Variants in CDKN2B observed in about 807,000 individuals in gnomAD.
CDKN2B encodes the protein cyclin dependent kinase inhibitor 2B.
A neutral mutation model predicts 7.7 loss-of-function variants in CDKN2B; 8 were observed. The ratio of observed to expected loss-of-function variants is 1.04; its 90% CI spans 0.61 to 1.87. The LOEUF (loss-of-function observed/expected upper bound fraction) is 1.87. Among genes scored for constraint, CDKN2B ranks in the 40% most tolerant of loss-of-function variants. The pLI is 0.00. For synonymous variants in CDKN2B, 93 were observed against 95.8 expected, an observed-to-expected ratio of 0.97 and a Z score of 0.17; for missense variants, 244 against 213.1, an observed-to-expected ratio of 1.15 and a Z score of -0.90.
At position 22,006,094 on chromosome 9, in the gene CDKN2B, C is replaced by T. The variant is rs1419378636; in HGVS notation, c.310G>A (p.Ala104Thr). The change falls in exon 2 of 2, where the codon GCG (alanine) becomes ACG (threonine). Residue 104 changes from alanine to threonine, a missense_variant. Ala to Thr is a moderately conservative substitution (Grantham distance 58). Transcript: ENST00000276925. The surrounding 1 kb of genome is among the most constrained non-coding windows in gnomAD (Gnocchi z 6.4). ...CAGGCATCGCGCACGTCCAGCCGCGCCCCGGCCCGGTGCAGCACCACCAGC... is the reference window on the plus strand; with the variant it reads ...CAGGCATCGCGCACGTCCAGCCGCGTCCCGGCCCGGTGCAGCACCACCAGC... Reference protein sequence around the residue: ...DTLVVLHRAGARLDVRDAWGR... With the variant: ...DTLVVLHRAGTRLDVRDAWGR... The T allele has an allele frequency of 1.9e-6, 3 of 1,608,432 alleles. No homozygotes were observed. In the African/African-American group the frequency reaches 4.0e-5, roughly 21 times the overall value.
rs2131179802 is a variant in CDKN2B at position 22,005,929 on chromosome 9, G to A, written c.*58C>T. On this transcript the variant is annotated 3_prime_UTR_variant, in exon 2 of 2. Transcript: ENST00000276925. The surrounding 1 kb of genome is among the most constrained non-coding windows in gnomAD (Gnocchi z 4.9). ...GCAGCCTTCATCGAATTAGGTGGGT[G>A]GGGGTGGGAAATTGGGTAAGAAAAT... The A allele has an allele frequency of 6.3e-7, 1 of 1,586,094 alleles. No individual in the cohort carries two copies. The highest frequency in any genetic ancestry group is 2.2e-5 in the East Asian group (1 of 44,544).
chr9:22,005,119 T>TGG lies in CDKN2B; in HGVS notation c.*867_*868insCC, dbSNP rs1821101622. On this transcript the variant is annotated 3_prime_UTR_variant, in exon 2 of 2. Transcript: ENST00000276925. This position sits in a 1 kb window ranked among gnomAD's most constrained non-coding sequence, Gnocchi z 4.9. ...GGATTTCCGCATCCTAGCATGTGTGTGTGTGTGTGTGTGTGTGTGTGTGAA... is the reference window on the plus strand; with the variant it reads ...GGATTTCCGCATCCTAGCATGTGTGTGGGTGTGTGTGTGTGTGTGTGTGTGAA... 1 of 229,086 alleles carries TGG rather than the reference T, an allele frequency of 4.4e-6. No homozygotes were observed. The allele number at this position is 229,086 out of a possible 1,614,324, so 14.2% of individuals were successfully genotyped here.
chr9:22,006,815 C>T lies in CDKN2B; in HGVS notation c.157-568G>A, dbSNP rs1821214075. The stretch of plus-strand genomic sequence containing the variant: ...TCCCGTGCGGAAGGCTTTTGTTTGT[C>T]ATGTGTCTGAGCTCATAACTGGCTT... On this transcript the variant is annotated intron_variant, in intron 1 of 1. Transcript: ENST00000276925. This position sits in a 1 kb window ranked among gnomAD's most constrained non-coding sequence, Gnocchi z 6.4. Among the ~76,000 whole-genome samples, 1 of 151,318 alleles carries T rather than the reference C, an allele frequency of 6.6e-6. No individual in the cohort carries two copies. Among genetic ancestry groups the T allele is most frequent in the Non-Finnish European group, 1.5e-5 (1 of 67,872 alleles).
intron 1 of CDKN2B, chr9:22,008,552 G>T (rs1821307540): frequency 3.1e-6 from 3 of 983,064 alleles, no homozygotes; most frequent in Non-Finnish European, 4.4e-6. Context: ...TCTATTCCTT[G>T]CATCTCTGAT....
chr9:22,008,928 G>A lies in CDKN2B; in HGVS notation c.26C>T (p.Pro9Leu). Residue 9 changes from proline to leucine, a missense_variant, in exon 1 of 2, where the codon CCC becomes CTC. Physicochemically the swap from Pro to Leu is moderately conservative, Grantham distance 98. Transcript: ENST00000276925. ...ACCCTCATCGCTGCCGCCCCCACTGGGCATGCCCTTGTTCTCCTCGCGCAT... is the reference window on the plus strand; with the variant it reads ...ACCCTCATCGCTGCCGCCCCCACTGAGCATGCCCTTGTTCTCCTCGCGCAT... MREENKGMPSGGGSDEGLA... is the reference protein window; with the variant it reads MREENKGMLSGGGSDEGLA... 6.2e-7 allele frequency: 1 copy of A among 1,612,950 alleles called. No homozygotes were observed.
Position 22,009,155 on chromosome 9 carries a change from C to G in CDKN2B, c.-202G>C, listed in dbSNP as rs72550842. 1.6e-4 allele frequency: 111 copies of G among 690,200 alleles called. No individual in the cohort carries two copies. In the Middle Eastern group the frequency reaches 2.5e-3, roughly 15 times the overall value. The allele number at this position is 690,200 out of a possible 1,614,324, so 42.8% of individuals were successfully genotyped here. ...CGAGCGGCCGGTCGTTAGCTCCGGG[C>G]TTTTCCTGGCGCTCAAGAACCAGCG... On this transcript the variant is annotated 5_prime_UTR_variant, in exon 1 of 2. Coordinates refer to ENST00000276925, the MANE Select transcript of CDKN2B (RefSeq NM_004936.4).
chr9:22,006,000 G>A lies in CDKN2B; in HGVS notation c.404C>T (p.Ala135Val), dbSNP rs1328728285. 1.2e-6 allele frequency: 2 copies of A among 1,602,796 alleles called. No individual in the cohort carries two copies. The highest frequency in any genetic ancestry group is 1.7e-5 in the Admixed American group (1 of 59,972). Residue 135 changes from alanine to valine, a missense_variant, in exon 2 of 2, where the codon GCC becomes GTC. Transcript: ENST00000276925. The surrounding 1 kb of genome is among the most constrained non-coding windows in gnomAD (Gnocchi z 4.9). Reference protein sequence around the residue: ...HRDVAGYLRTATGD With the variant: ...HRDVAGYLRTVTGD The stretch of plus-strand genomic sequence containing the variant: ...GGGAACCTGGCGTCAGTCCCCCGTG[G>A]CTGTGCGCAGGTACCCTGCAACGTC...
At position 22,005,899 on chromosome 9, in the gene CDKN2B, C is replaced by G. The variant is rs1014622569; in HGVS notation, c.*88G>C. The G allele has an allele frequency of 3.9e-6, 6 of 1,527,968 alleles. No individual in the cohort carries two copies. The highest frequency in any genetic ancestry group is 1.9e-5 in the Admixed American group (1 of 53,544). 94.7% of individuals were successfully genotyped at this position (1,527,968 alleles called of 1,614,324 possible). A position where few individuals can be genotyped will look rare whatever the true frequency, so the allele number is the denominator to read the frequency against. On this transcript the variant is annotated 3_prime_UTR_variant, in exon 2 of 2. Coordinates refer to ENST00000276925, the MANE Select transcript of CDKN2B (RefSeq NM_004936.4). The surrounding 1 kb of genome is among the most constrained non-coding windows in gnomAD (Gnocchi z 4.9). ...GGCTTACAGGCTTTCCGCCGCTCCC[C>G]GTTGGCAGCCTTCATCGAATTAGGT...
At position 22,003,552 on chromosome 9, in the gene CDKN2B, G is replaced by A; in HGVS notation, c.*2435C>T. 1 of 229,096 alleles carries A rather than the reference G, an allele frequency of 4.4e-6. No individual in the cohort carries two copies. Among genetic ancestry groups the A allele is most frequent in the Non-Finnish European group, 8.6e-6 (1 of 115,640 alleles). 14.2% of individuals were successfully genotyped at this position (229,096 alleles called of 1,614,324 possible). On this transcript the variant is annotated 3_prime_UTR_variant, in exon 2 of 2. Transcript: ENST00000276925. Reference sequence around the variant, plus strand: ...TATAAACCAAATGGGAGATTTTAAAGTATCAACTGACTTCTTTTATATAGA... The same window carrying A: ...TATAAACCAAATGGGAGATTTTAAAATATCAACTGACTTCTTTTATATAGA...
Position 22,005,656 on chromosome 9 carries a change from C to G in CDKN2B, c.*331G>C. On this transcript the variant is annotated 3_prime_UTR_variant, in exon 2 of 2. Coordinates refer to ENST00000276925, the MANE Select transcript of CDKN2B (RefSeq NM_004936.4). The surrounding 1 kb of genome is among the most constrained non-coding windows in gnomAD (Gnocchi z 4.9). ...CATCCATCGGAAGATTCGTAGCCAC[C>G]AGGTCCAGTCAAGGATTTCATATGC... The G allele has an allele frequency of 2.1e-6, 1 of 478,652 alleles. No individual in the cohort carries two copies. The highest frequency in any genetic ancestry group is 3.8e-6 in the Non-Finnish European group (1 of 259,828). The allele number at this position is 478,652 out of a possible 1,614,324, so 29.7% of individuals were successfully genotyped here.
Position 22,005,865 on chromosome 9 carries a change from A to G in CDKN2B, c.*122T>C. 1 of 1,329,464 alleles carries G rather than the reference A, an allele frequency of 7.5e-7. No homozygotes were observed. Among genetic ancestry groups the G allele is most frequent in the Non-Finnish European group, 1.0e-6 (1 of 963,506 alleles). The allele number at this position is 1,329,464 out of a possible 1,614,324, so 82.4% of individuals were successfully genotyped here. On this transcript the variant is annotated 3_prime_UTR_variant, in exon 2 of 2. Transcript: ENST00000276925. This position sits in a 1 kb window ranked among gnomAD's most constrained non-coding sequence, Gnocchi z 4.9. ...CTCCTCCTTCCTGTGAGTCTCAGAC[A>G]GGCTTGCAGGCTTACAGGCTTTCCG...
Position 22,006,282 on chromosome 9 carries a change from G to T in CDKN2B, c.157-35C>A. The T allele has an allele frequency of 6.3e-7, 1 of 1,599,900 alleles. No individual in the cohort carries two copies. Among genetic ancestry groups the T allele is most frequent in the Non-Finnish European group, 8.5e-7 (1 of 1,179,740 alleles). ...AGAGCAGAGTGGTCAGAGCCAGGGT[G>T]GGGGCAGGTATGGGAGATGCCGGCC... On this transcript the variant is annotated intron_variant, in intron 1 of 1. Coordinates refer to ENST00000276925, the MANE Select transcript of CDKN2B (RefSeq NM_004936.4). The surrounding 1 kb of genome is among the most constrained non-coding windows in gnomAD (Gnocchi z 6.4).
In CDKN2B at chr9:22,009,120, G is replaced by A. The variant is rs569345626; in HGVS notation, c.-167C>T. 1.2e-5 allele frequency: 12 copies of A among 979,302 alleles called. No homozygotes were observed. Among genetic ancestry groups the A allele is most frequent in the Middle Eastern group, 3.3e-4 (1 of 3,074 alleles). 60.7% of individuals were successfully genotyped at this position (979,302 alleles called of 1,614,324 possible). A position where few individuals can be genotyped will look rare whatever the true frequency, so the allele number is the denominator to read the frequency against. On this transcript the variant is annotated 5_prime_UTR_variant, in exon 1 of 2. In the 5' UTR this introduces an upstream ATG that the reference lacks. Transcript: ENST00000276925. ...TCGTCCTTCTGCGGCTTGGGGCCCCGTGCAGTGGCCGAGCGGCCGGTCGTT... is the reference window on the plus strand; with the variant it reads ...TCGTCCTTCTGCGGCTTGGGGCCCCATGCAGTGGCCGAGCGGCCGGTCGTT...
rs1036312624 is a variant in CDKN2B, at chr9:22,009,138, C to G, written c.-185G>C. ...GGGCCCCGTGCAGTGGCCGAGCGGC[C>G]GGTCGTTAGCTCCGGGCTTTTCCTG... On this transcript the variant is annotated 5_prime_UTR_variant, in exon 1 of 2. Transcript: ENST00000276925. The G allele has an allele frequency of 1.2e-5, 9 of 770,938 alleles. No individual in the cohort carries two copies. The highest frequency in any genetic ancestry group is 1.3e-5 in the Non-Finnish European group (6 of 469,644). The allele number at this position is 770,938 out of a possible 1,614,324, so 47.8% of individuals were successfully genotyped here. A position where few individuals can be genotyped will look rare whatever the true frequency, so the allele number is the denominator to read the frequency against.
In CDKN2B at chr9:22,008,890, C is replaced by T. The variant is rs2131190413; in HGVS notation, c.64G>A (p.Ala22Thr). 1 of 1,612,588 alleles carries T rather than the reference C, an allele frequency of 6.2e-7. No individual in the cohort carries two copies. The part of the protein sequence containing the change: ...GGSDEGLASA[A>T]ARGLVEKVRQ... Reference sequence around the variant, plus strand: ...ACCTTCTCCACTAGTCCCCGCGCCGCGGCGCTGGCCAGACCCTCATCGCTG... The same window carrying T: ...ACCTTCTCCACTAGTCCCCGCGCCGTGGCGCTGGCCAGACCCTCATCGCTG... Residue 22 changes from alanine to threonine, a missense_variant, in exon 1 of 2, where the codon GCG (alanine) becomes ACG (threonine). By Grantham distance (58) the Ala-to-Thr change is moderately conservative. Transcript: ENST00000276925.
Position 22,009,021 on chromosome 9 carries a change from C to T in CDKN2B, c.-68G>A, listed in dbSNP as rs1821350784. 1 of 1,603,250 alleles carries T rather than the reference C, an allele frequency of 6.2e-7. No individual in the cohort carries two copies. The highest frequency in any genetic ancestry group is 8.5e-7 in the Non-Finnish European group (1 of 1,170,838). ...TGGCCGTAAACTTAACGACACTCTTCCCTTCTTTCCCACGCTGCTCCGGCG... is the reference window on the plus strand; with the variant it reads ...TGGCCGTAAACTTAACGACACTCTTTCCTTCTTTCCCACGCTGCTCCGGCG... On this transcript the variant is annotated 5_prime_UTR_variant, in exon 1 of 2. Transcript: ENST00000276925.
chr9:22,003,131 T>C lies in CDKN2B; in HGVS notation c.*2856A>G. The C allele has an allele frequency of 4.6e-6, 1 of 216,062 alleles. No homozygotes were observed. The highest frequency in any genetic ancestry group is 6.9e-5 in the East Asian group (1 of 14,406). The allele number at this position is 216,062 out of a possible 1,614,324, so 13.4% of individuals were successfully genotyped here. ...GAAATCCTTAACAAATTTAACAGTA[T>C]ATATTAGGCTGCTGATGAAACAGCT... On this transcript the variant is annotated 3_prime_UTR_variant, in exon 2 of 2. Transcript: ENST00000276925.
At chr9:22,007,613 A>T (rs184456611) in intron 1 of CDKN2B, among the ~76,000 whole-genome samples, 1 of 152,272 alleles carries the variant, frequency 6.6e-6, no homozygotes, top group East Asian at 1.9e-4. Context: ...ATTGAAAGGC[A>T]GTATACTTCT....
chr9:22,007,748 C>T (rs1821265478), intron 1 of CDKN2B, among the ~76,000 whole-genome samples: 1 of 152,058 alleles, frequency 6.6e-6, no homozygotes, highest in Admixed American at 6.5e-5. Flanking sequence ...AAAATAGCTG[C>T]TGTTAGTATT....
Sources: allele counts gnomAD v4.1 joint callset (sites outside exome capture counted in the v4.1 genomes callset), GRCh38; gene constraint gnomAD v4.1.1; non-coding constraint Gnocchi (gnomAD v3.1); transcripts MANE v1.5; gene names NCBI Gene and HGNC (gene_info 2026-07-23, HGNC 2026-07-21).